Variants in ADCY1 observed in about 807,000 individuals in gnomAD.
ADCY1 encodes the protein adenylate cyclase 1, also known as adenylate cyclase type 1.
Under a neutral mutation model 105.4 loss-of-function variants are expected in ADCY1, and 28 were observed. The observed-to-expected ratio is 0.27, with a 90% confidence interval of 0.20 to 0.36. ADCY1 has a LOEUF of 0.36. Ranked by LOEUF, ADCY1 falls within the 10% of genes least tolerant of loss-of-function variation. ADCY1 has a pLI of 1.00. For missense variants in ADCY1, 977 were observed against 1,434.2 expected, an observed-to-expected ratio of 0.68 and a Z score of 5.15; for synonymous variants, 655 against 623.8, an observed-to-expected ratio of 1.05 and a Z score of -0.75.
At chr7:45,657,916 G>GGGGGTTGGT in intron 6 of ADCY1, 31 bp downstream of exon 6, 1 of 502,918 alleles carries the variant, frequency 2.0e-6, no homozygotes, top group Non-Finnish European at 4.0e-6. Context: ...GGAGGGGAGG[G>GGGGGTTGGT]AGGTGGGTGA....
intron 14 of ADCY1, among the ~76,000 whole-genome samples, chr7:45,688,893 C>A (rs150221394): frequency 6.6e-6 from 1 of 151,866 alleles, no homozygotes; most frequent in Non-Finnish European, 1.5e-5. Context: ...TAACACTCCC[C>A]ATTTCTCCTC....
At chr7:45,695,986 C>T (rs184945657) in intron 14 of ADCY1, among the ~76,000 whole-genome samples, 8 of 152,296 alleles carry the variant, frequency 5.3e-5, no homozygotes, top group South Asian at 2.1e-4. Context: ...GATAGAGAAA[C>T]GTTGGTAACT....
chr7:45,632,905 A>T (rs565075397), intron 4 of ADCY1, among the ~76,000 whole-genome samples: 1 of 152,046 alleles, frequency 6.6e-6, no homozygotes, highest in South Asian at 2.1e-4. Flanking sequence ...TATCAGATTT[A>T]TTCCTAAGTA....
rs1325565440 is a variant in ADCY1 at position 45,647,261 on chromosome 7, G to T, written c.1021-1409G>T. Among the ~76,000 whole-genome samples, 3 of 152,222 alleles carry T rather than the reference G, an allele frequency of 2.0e-5. No individual in the cohort carries two copies. Among genetic ancestry groups the T allele is most frequent in the African/African-American group, 7.2e-5 (3 of 41,458 alleles). On this transcript the variant is annotated intron_variant, in intron 4 of 19. Transcript: ENST00000297323. This position sits in a 1 kb window ranked among gnomAD's most constrained non-coding sequence, Gnocchi z 4.6. ...ATCCCTGCTCAGCCTGGGAACTGGGGCTCCCAGCGGTCGGTGTGGCCTGTC... is the reference window on the plus strand; with the variant it reads ...ATCCCTGCTCAGCCTGGGAACTGGGTCTCCCAGCGGTCGGTGTGGCCTGTC...
Position 45,686,134 on chromosome 7 carries a change from C to G in ADCY1, c.2246C>G (p.Ser749Cys), listed in dbSNP as rs753203444. ...CTAGCCATATTTTTCCGGGTGTCCT[C>G]CTTGCCAAAAATGATCCTGCTCTCC... is the stretch of plus-strand genomic sequence containing the variant. Reference protein sequence around the residue: ...LPLAIFFRVSSLPKMILLSGL... With the variant: ...LPLAIFFRVSCLPKMILLSGL... Residue 749 changes from serine (S) to cysteine (C), a missense_variant, in exon 13 of 20, where the codon TCC becomes TGC. Coordinates refer to ENST00000297323, the MANE Select transcript of ADCY1 (RefSeq NM_021116.4). This position sits in a 1 kb window ranked among gnomAD's most constrained non-coding sequence, Gnocchi z 4.3. 6.2e-7 allele frequency: 1 copy of G among 1,614,184 alleles called. No individual in the cohort carries two copies. The highest frequency in any genetic ancestry group is 1.1e-5 in the South Asian group (1 of 91,086).
intron 8 of ADCY1, among the ~76,000 whole-genome samples, chr7:45,676,779 A>G (rs976489072): frequency 1.3e-5 from 2 of 151,088 alleles, no homozygotes; most frequent in East Asian, 1.9e-4. Flanking sequence ...CCTAATAAAG[A>G]TCAAAGTCGA....
rs565292708 is a variant in ADCY1, at chr7:45,699,756, T to G, written c.2455-3620T>G. On this transcript the variant is annotated intron_variant, in intron 14 of 19. Transcript: ENST00000297323. ...CTGGTACTCTGAGGTCGGGCTAGGT[T>G]GCGCAGCAGTCGCAGGCCTTCTGAG... Among the ~76,000 whole-genome samples the G allele has an allele frequency of 2.0e-5, 3 of 152,218 alleles. No individual in the cohort carries two copies. In the East Asian group the frequency reaches 5.8e-4, roughly 30 times the overall value.
intron 2 of ADCY1, among the ~76,000 whole-genome samples, chr7:45,604,081 G>A (rs567194153): frequency 8.5e-5 from 13 of 152,286 alleles, no homozygotes; most frequent in African/African-American, 2.4e-4. Context: ...TAAAAGTACA[G>A]TTGCTGGGTC....
intron 14 of ADCY1, among the ~76,000 whole-genome samples, chr7:45,694,483 G>A (rs1169730771): frequency 1.3e-5 from 2 of 152,116 alleles, no homozygotes; most frequent in South Asian, 2.1e-4. Flanking sequence ...GGAGGAAAAT[G>A]TATAATACAA....
In ADCY1 at chr7:45,704,456, C is replaced by T. The variant is rs2272036; in HGVS notation, c.2719-62C>T. ...CTCTGCTGTTGCTCCTGGGGGCTGACGGCTGCAGCGACTTTTCTCAAATGT... is the reference window on the plus strand; with the variant it reads ...CTCTGCTGTTGCTCCTGGGGGCTGATGGCTGCAGCGACTTTTCTCAAATGT... On this transcript the variant is annotated intron_variant, in intron 16 of 19. Coordinates refer to ENST00000297323, the MANE Select transcript of ADCY1 (RefSeq NM_021116.4). The T allele has an allele frequency of 0.16, 238,624 of 1,470,334 alleles. 21,489 individuals carry two copies. Among genetic ancestry groups the T allele is most frequent in the African/African-American group, 0.32 (23,074 of 72,050 alleles). 91.1% of individuals were successfully genotyped at this position (1,470,334 alleles called of 1,614,324 possible). A position where few individuals can be genotyped will look rare whatever the true frequency, so the allele number is the denominator to read the frequency against.
At chr7:45,691,730 G>T (rs181539559) in intron 14 of ADCY1, among the ~76,000 whole-genome samples, 4 of 152,182 alleles carry the variant, frequency 2.6e-5, no homozygotes, top group Non-Finnish European at 5.9e-5. Context: ...CGCTTAATTC[G>T]ATGGTAATTC....
In ADCY1 at chr7:45,593,371, G is replaced by A. The variant is rs914425962; in HGVS notation, c.789+463G>A. ...GCCCTTTTGCTGGGAGTTGTAGAGG[G>A]GTCACAGTGGTCATGATACAGCACC... On this transcript the variant is annotated intron_variant, in intron 2 of 19. Coordinates refer to ENST00000297323, the MANE Select transcript of ADCY1 (RefSeq NM_021116.4). Among the ~76,000 whole-genome samples the A allele has an allele frequency of 6.6e-5, 10 of 152,282 alleles. No homozygotes were observed. The East Asian group carries it at 1.9e-3, about 29-fold the overall frequency.
At chr7:45,590,730 C>T (rs1792890099) in intron 1 of ADCY1, among the ~76,000 whole-genome samples, 1 of 152,120 alleles carries the variant, frequency 6.6e-6, no homozygotes, top group South Asian at 2.1e-4. Flanking sequence ...CTTCTTGATG[C>T]TCAGGGTCTG....
rs373985768 is a variant in ADCY1 at position 45,617,631 on chromosome 7, A to C, written c.909-5001A>C. ...AATGTACTAGCTGAAAAAGAAGTCT[A>C]GAAAGCAATGCCAATTACAATAGCT... On this transcript the variant is annotated intron_variant, in intron 3 of 19. Coordinates refer to ENST00000297323, the MANE Select transcript of ADCY1 (RefSeq NM_021116.4). Among the ~76,000 whole-genome samples, 6 of 152,374 alleles carry C rather than the reference A, an allele frequency of 3.9e-5. No homozygotes were observed. The East Asian group carries it at 1.2e-3, about 29-fold the overall frequency.
chr7:45,605,028 A>G (rs1793336749), intron 2 of ADCY1, among the ~76,000 whole-genome samples: 1 of 152,162 alleles, frequency 6.6e-6, no homozygotes, highest in East Asian at 1.9e-4. Flanking sequence ...TTAACATACA[A>G]ATCCTATACA....
chr7:45,591,137 G>A lies in ADCY1; in HGVS notation c.640-1622G>A, dbSNP rs1377913200. ...CCAGCCTCCTGATGGATGTGCCTTT[G>A]AGGCTATGTCATACACCTCAGGTTT... is the stretch of plus-strand genomic sequence containing the variant. On this transcript the variant is annotated intron_variant, in intron 1 of 19. Coordinates refer to ENST00000297323, the MANE Select transcript of ADCY1 (RefSeq NM_021116.4). This position sits in a 1 kb window ranked among gnomAD's most constrained non-coding sequence, Gnocchi z 4.1. 1.3e-5 allele frequency among the ~76,000 whole-genome samples: 2 copies of A among 152,156 alleles called. No homozygotes were observed. Among genetic ancestry groups the A allele is most frequent in the Admixed American group, 1.3e-4 (2 of 15,274 alleles).
At chr7:45,660,284 T>G (rs1795059862) in intron 7 of ADCY1, 101 bp downstream of exon 7, 3 of 1,488,038 alleles carry the variant, frequency 2.0e-6, no homozygotes, top group Non-Finnish European at 2.8e-6. Context: ...AAGCACTGCT[T>G]CTCTGGGCTG....
rs947404393 is a variant in ADCY1, at chr7:45,719,822, C to T, written c.*5827C>T. On this transcript the variant is annotated 3_prime_UTR_variant, in exon 20 of 20. Transcript: ENST00000297323. The stretch of plus-strand genomic sequence containing the variant: ...ATCCCCGAATGCCCTGATGTGATTT[C>T]CCTCAGAAAATCCTTGTTATTAGAG... The T allele has an allele frequency of 9.9e-5, 15 of 152,196 alleles. No individual in the cohort carries two copies. Among genetic ancestry groups the T allele is most frequent in the African/African-American group, 3.6e-4 (15 of 41,440 alleles). 9.4% of individuals were successfully genotyped at this position (152,196 alleles called of 1,614,324 possible). A position where few individuals can be genotyped will look rare whatever the true frequency, so the allele number is the denominator to read the frequency against.
chr7:45,585,466 G>A (rs1323621819), intron 1 of ADCY1, among the ~76,000 whole-genome samples: 1 of 124,526 alleles, frequency 8.0e-6, no homozygotes, highest in African/African-American at 3.0e-5. Flanking sequence ...TTTTTGAGAT[G>A]AAGTTTCGCT....
Sources: gnomAD v4.1 joint callset for allele counts (sites outside exome capture counted in the v4.1 genomes callset) on GRCh38, gnomAD v4.1.1 for gene constraint, Gnocchi (gnomAD v3.1) non-coding constraint, MANE v1.5 for transcripts, NCBI Gene and HGNC (gene_info 2026-07-23, HGNC 2026-07-21) for gene names.